SV2A: variants seen among roughly 807,000 people sequenced by gnomAD.
The protein encoded by SV2A is solute carrier family 22 member B1.
In SV2A, 25 loss-of-function variants were observed where a neutral mutation model predicts 78.0. The ratio of observed to expected loss-of-function variants is 0.32; its 90% confidence interval spans 0.23 to 0.45. The LOEUF (loss-of-function observed/expected upper bound fraction) is 0.45, where lower values mean the gene tolerates loss of function less well. Among genes scored for constraint, SV2A ranks in the 20% least tolerant of loss-of-function variants. The pLI is 1.00. For missense variants in SV2A, 752 were observed against 971.5 expected (o/e 0.77, Z 3.00); for synonymous variants, 355 against 384.7 (o/e 0.92, Z 0.90).
intron 8 of SV2A, 25 bp downstream of exon 8, chr1:149,909,167 T>A: frequency 6.2e-7 from 1 of 1,608,832 alleles, no homozygotes; most frequent in Non-Finnish European, 8.5e-7. Context: ...CCACCACACA[T>A]CACCCAGCCC....
rs587712455 is a variant in SV2A at position 149,907,092 on chromosome 1, T to C, written c.1679-236A>G. 1.5e-5 allele frequency: 9 copies of C among 597,268 alleles called. No homozygotes were observed. The African/African-American group carries it at 1.6e-4, about 11-fold the overall frequency. The allele number at this position is 597,268 out of a possible 1,614,324, so 37.0% of individuals were successfully genotyped here. A position where few individuals can be genotyped will look rare whatever the true frequency, so the allele number is the denominator to read the frequency against. ...GACTTTGTCCAAGTTCTCCCATTAA[T>C]AGTCTTAGCTGCTTATTCATTCTTT... On this transcript the variant is annotated intron_variant, in intron 10 of 12. Transcript: ENST00000369146.
intron 1 of SV2A, among the ~76,000 whole-genome samples, chr1:149,915,199 T>A (rs2092505112): frequency 6.6e-6 from 1 of 152,208 alleles, no homozygotes. Flanking sequence ...GAGAATGTAA[T>A]CTCACAGTAG....
Position 149,910,853 on chromosome 1 carries a change from T to TA in SV2A, c.927dup (p.Met310TyrfsTer47). Reference sequence around the variant, plus strand: ...TAGTGGGGGATGATGGCCCAGGCCATAGCAGCTGCGTACACGCCACCAATC... The same window carrying TA: ...TAGTGGGGGATGATGGCCCAGGCCATAAGCAGCTGCGTACACGCCACCAATC... On this transcript the variant is annotated frameshift_variant, in exon 4 of 13. Transcript: ENST00000369146. LOFTEE classifies it high-confidence loss of function. This position sits in a 1 kb window ranked among gnomAD's most constrained non-coding sequence, Gnocchi z 4.2. The TA allele has an allele frequency of 1.9e-6, 3 of 1,613,992 alleles. No individual in the cohort carries two copies. The highest frequency in any genetic ancestry group is 2.5e-6 in the Non-Finnish European group (3 of 1,179,926).
At chr1:149,909,747 T>C in intron 6 of SV2A, 54 bp downstream of exon 6, 3 of 1,591,476 alleles carry the variant, frequency 1.9e-6, no homozygotes, top group Non-Finnish European at 2.6e-6. Context: ...AGGGGCCAGG[T>C]AGGGGCTGGG....
intron 9 of SV2A, 89 bp downstream of exon 9, chr1:149,907,953 C>A: frequency 1.3e-6 from 2 of 1,571,274 alleles, no homozygotes; most frequent in East Asian, 2.3e-5. Context: ...TGTTTGCCCC[C>A]CAAATGTCTT....
chr1:149,904,950 AG>A lies in SV2A; in HGVS notation c.*63del. On this transcript the variant is annotated 3_prime_UTR_variant, in exon 13 of 13. Coordinates refer to ENST00000369146, the MANE Select transcript of SV2A (RefSeq NM_014849.5). ...TGGAGGTCAGGATGGCAGGGCAGGG[AG>A]GGGAAGGAAGGAGTTGTTGGTCTCA... 6.7e-7 allele frequency: 1 copy of A among 1,499,678 alleles called. No homozygotes were observed. Among genetic ancestry groups the A allele is most frequent in the Non-Finnish European group, 9.0e-7 (1 of 1,113,812 alleles). 92.9% of individuals were successfully genotyped at this position (1,499,678 alleles called of 1,614,324 possible). A position where few individuals can be genotyped will look rare whatever the true frequency, so the allele number is the denominator to read the frequency against.
At position 149,906,014 on chromosome 1, in the gene SV2A, G is replaced by A. The variant is rs149609170; in HGVS notation, c.1911C>T (p.Val637=). Residue 637 remains valine, a synonymous_variant, in exon 12 of 13, where the codon GTC becomes GTT. Transcript: ENST00000369146. ...TCCCAAAAGACAGGAAGAAGCAGGA[G>A]ACACAGGACATCACGCTGGAGCCAG... ...MLAGSSVMSC[V]SCFFLSFGNS... The A allele has an allele frequency of 5.0e-6, 8 of 1,614,084 alleles. No homozygotes were observed. Among genetic ancestry groups the A allele is most frequent in the Non-Finnish European group, 6.8e-6 (8 of 1,180,046 alleles).
At position 149,913,742 on chromosome 1, in the gene SV2A, G is replaced by T. The variant is rs1208049194; in HGVS notation, c.99C>A (p.Gly33=). 2 of 1,613,954 alleles carry T rather than the reference G, an allele frequency of 1.2e-6. No homozygotes were observed. Among genetic ancestry groups the T allele is most frequent in the Non-Finnish European group, 1.7e-6 (2 of 1,180,020 alleles). ...AATATTCGTCCTGGACTCTGTCCAGGCCCTTCACCACCTTCTTGGCCGCAT... is the reference window on the plus strand; with the variant it reads ...AATATTCGTCCTGGACTCTGTCCAGTCCCTTCACCACCTTCTTGGCCGCAT... ...KKHAAKKVVK[G]LDRVQDEYSR... Residue 33 remains glycine (G), a synonymous_variant, in exon 2 of 13, where the codon GGC becomes GGA. Coordinates refer to ENST00000369146, the MANE Select transcript of SV2A (RefSeq NM_014849.5).
rs1553764157 is a variant in SV2A at position 149,913,706 on chromosome 1, C to T, written c.135G>A (p.Ser45=). 11 of 1,613,976 alleles carry T rather than the reference C, an allele frequency of 6.8e-6. No individual in the cohort carries two copies. The highest frequency in any genetic ancestry group is 4.0e-5 in the African/African-American group (3 of 74,852). The change falls in exon 2 of 13, where the codon TCG becomes TCA. Residue 45 remains serine, a synonymous_variant. Transcript: ENST00000369146. ...CATCCTCCTCCTCAAAGCGGGAGTA[C>T]GATCTTCGGGAATATTCGTCCTGGA... The part of the protein sequence containing the change: ...DRVQDEYSRR[S]YSRFEEEDDD...
chr1:149,911,839 T>A lies in SV2A; in HGVS notation c.764A>T (p.Tyr255Phe). Residue 255 changes from tyrosine (Y) to phenylalanine (F), a missense_variant, in exon 3 of 13, where the codon TAC becomes TTC. Around this residue, in one of 7 missense-constraint regions of SV2A, gnomAD observed 291 missense variants for 359.5 expected, o/e 0.81. Coordinates refer to ENST00000369146, the MANE Select transcript of SV2A (RefSeq NM_014849.5). ...FAFFSSFVQG[Y>F]GTFLFCRLLS... is the part of the protein sequence containing the mutation. ...TAGGCGGCAGAAGAGGAAAGTGCCGTAACCCTGGACAAAAGATGAGAAGAA... is the reference window on the plus strand; with the variant it reads ...TAGGCGGCAGAAGAGGAAAGTGCCGAAACCCTGGACAAAAGATGAGAAGAA... 6.2e-7 allele frequency: 1 copy of A among 1,614,068 alleles called. No individual in the cohort carries two copies.
intron 1 of SV2A, among the ~76,000 whole-genome samples, chr1:149,915,284 G>C (rs782603335): frequency 6.6e-6 from 1 of 152,146 alleles, no homozygotes; most frequent in Admixed American, 6.5e-5. Flanking sequence ...AGGGACAACA[G>C]GGGGGTCATA....
intron 12 of SV2A, chr1:149,905,530 T>A (rs782786248): frequency 6.8e-6 from 2 of 294,520 alleles, no homozygotes; most frequent in Non-Finnish European, 1.3e-5. Flanking sequence ...CTCGGCTCAC[T>A]GAAAGCTCCA....
chr1:149,913,984 A>C lies in SV2A; in HGVS notation c.-144T>G. The C allele has an allele frequency of 7.7e-7, 1 of 1,298,418 alleles. No homozygotes were observed. The highest frequency in any genetic ancestry group is 1.0e-6 in the Non-Finnish European group (1 of 964,780). The allele number at this position is 1,298,418 out of a possible 1,614,324, so 80.4% of individuals were successfully genotyped here. A position where few individuals can be genotyped will look rare whatever the true frequency, so the allele number is the denominator to read the frequency against. On this transcript the variant is annotated 5_prime_UTR_variant, in exon 2 of 13. Transcript: ENST00000369146. ...TTCCAGTATCTCTGGGCACAAAAAA[A>C]AGAGCAAACAGGTCCTAGCCAATGA...
Position 149,904,963 on chromosome 1 carries a change from AGTT to A in SV2A, c.*48_*50del, listed in dbSNP as rs1553762448. On this transcript the variant is annotated 3_prime_UTR_variant, in exon 13 of 13. Coordinates refer to ENST00000369146, the MANE Select transcript of SV2A (RefSeq NM_014849.5). ...GGCAGGGCAGGGAGGGGAAGGAAGG[AGTT>A]GTTGGTCTCACAGTGTGCCTGCCAA... 2.0e-6 allele frequency: 3 copies of A among 1,536,572 alleles called. No homozygotes were observed. Among genetic ancestry groups the A allele is most frequent in the Non-Finnish European group, 2.6e-6 (3 of 1,136,418 alleles).
In SV2A at chr1:149,913,355, G is replaced by T; in HGVS notation, c.486C>A (p.Gly162=). 2 of 1,614,136 alleles carry T rather than the reference G, an allele frequency of 1.2e-6. No homozygotes were observed. The highest frequency in any genetic ancestry group is 1.7e-6 in the Non-Finnish European group (2 of 1,180,026). The change falls in exon 2 of 13, where the codon GGC becomes GGA. Residue 162 remains glycine (G), a synonymous_variant. Coordinates refer to ENST00000369146, the MANE Select transcript of SV2A (RefSeq NM_014849.5). ...CAAAATACAGTGTCCACTGGAAGCG[G>T]CCGTGGCCACACTCCCGTAGGATGG... The part of the protein sequence containing the change: ...YEAILRECGH[G]RFQWTLYFVL...
At chr1:149,917,237 T>C (rs978325256) in intron 1 of SV2A, among the ~76,000 whole-genome samples, 2 of 151,188 alleles carry the variant, frequency 1.3e-5, no homozygotes, top group African/African-American at 4.9e-5. Flanking sequence ...AGTATTTCCA[T>C]TCTTCACTCC....
In SV2A at chr1:149,910,842, G is replaced by A; in HGVS notation, c.939C>T (p.Ala313=). The change falls in exon 4 of 13, where the codon GCC becomes GCT. Residue 313 remains alanine, a synonymous_variant. Coordinates refer to ENST00000369146, the MANE Select transcript of SV2A (RefSeq NM_014849.5). This position sits in a 1 kb window ranked among gnomAD's most constrained non-coding sequence, Gnocchi z 4.2. ...GCTGCTCACCATAGTGGGGGATGAT[G>A]GCCCAGGCCATAGCAGCTGCGTACA... ...GGVYAAAMAW[A]IIPHYGWSFQ... 6.2e-7 allele frequency: 1 copy of A among 1,614,044 alleles called. No homozygotes were observed. Among genetic ancestry groups the A allele is most frequent in the Non-Finnish European group, 8.5e-7 (1 of 1,179,964 alleles).
rs375328408 is a variant in SV2A at position 149,913,484 on chromosome 1, C to T, written c.357G>A (p.Leu119=). The T allele has an allele frequency of 1.7e-5, 28 of 1,613,556 alleles. No individual in the cohort carries two copies. The highest frequency in any genetic ancestry group is 2.7e-5 in the African/African-American group (2 of 74,816). The change falls in exon 2 of 13, where the codon CTG becomes CTA. Residue 119 remains leucine (L), a synonymous_variant. Transcript: ENST00000369146. ...KGERMADGAP[L]AGVRGGLSDG... is the part of the protein sequence containing the mutation. ...CACTCAAGCCCCCCCTTACTCCAGC[C>T]AGGGGCGCCCCATCTGCCATCCGCT...
chr1:149,909,986 G>A (rs41264618), intron 5 of SV2A, 96 bp from the exon 6 acceptor site: 11,717 of 1,152,356 alleles, frequency 0.01, 90 homozygotes, highest in Non-Finnish European at 0.012. Flanking sequence ...GTAGTCACAG[G>A]ACACTAAATG....
Sources: allele counts gnomAD v4.1 joint callset (sites outside exome capture counted in the v4.1 genomes callset), GRCh38; gene constraint gnomAD v4.1.1; regional missense constraint gnomAD v4.1.1; non-coding constraint Gnocchi (gnomAD v3.1); transcripts MANE v1.5; gene names NCBI Gene and HGNC (gene_info 2026-07-23, HGNC 2026-07-21).